DISC1: variants seen among roughly 807,000 people sequenced by gnomAD.
DISC1 encodes the protein DISC1 scaffold protein, also known as disrupted in schizophrenia 1 protein.
Under a neutral mutation model 84.5 loss-of-function variants are expected in DISC1, and 57 were observed. The observed-to-expected ratio is 0.67, with a 90% CI of 0.55 to 0.84. The LOEUF is 0.84. DISC1 is among the 40% of genes least tolerant of loss of function. The pLI, the probability that DISC1 is intolerant of heterozygous loss-of-function variation, is 0.00. For synonymous variants in DISC1, 411 were observed against 415.2 expected (o/e 0.99, Z 0.12); for missense variants, 1,000 against 1,057.8 (o/e 0.95, Z 0.76).
intron 8 of DISC1, among the ~76,000 whole-genome samples, chr1:231,801,015 A>G (rs2079192567): frequency 6.6e-6 from 1 of 152,164 alleles, no homozygotes; most frequent in South Asian, 2.1e-4. Context: ...ATCAGCTTCA[A>G]AAGAATCATA....
chr1:231,702,664 A>T, intron 3 of DISC1: 1 of 958,196 alleles, frequency 1.0e-6, no homozygotes, highest in African/African-American at 1.8e-5. Flanking sequence ...CAAAAAAACC[A>T]ATTAAAATGA....
At position 231,981,361 on chromosome 1, in the gene DISC1, A is replaced by G. The variant is rs569768549; in HGVS notation, c.2042+22473A>G. On this transcript the variant is annotated intron_variant, in intron 10 of 12. Coordinates refer to ENST00000439617, the MANE Select transcript of DISC1 (RefSeq NM_018662.3). Reference sequence around the variant, plus strand: ...GTATCATATCAGATTTAATATGTGAATAATGAGGGAAACTGTGACTTTGGA... The same window carrying G: ...GTATCATATCAGATTTAATATGTGAGTAATGAGGGAAACTGTGACTTTGGA... Among the ~76,000 whole-genome samples, 9 of 152,336 alleles carry G rather than the reference A, an allele frequency of 5.9e-5. No individual in the cohort carries two copies. The South Asian group carries it at 1.7e-3, about 28-fold the overall frequency.
chr1:232,018,189 T>C (rs193170515), intron 11 of DISC1, among the ~76,000 whole-genome samples: 2 of 152,358 alleles, frequency 1.3e-5, no homozygotes, highest in Admixed American at 1.3e-4. Context: ...CTCATCACTC[T>C]AGATACAGCC....
chr1:231,983,157 G>T (rs1440561218), intron 10 of DISC1, among the ~76,000 whole-genome samples: 1 of 152,030 alleles, frequency 6.6e-6, no homozygotes, highest in Non-Finnish European at 1.5e-5. Flanking sequence ...CCTGCTGGAA[G>T]TGCCTTCTGG....
chr1:232,037,509 ATCAGGACATTC>A lies in DISC1; in HGVS notation c.*680_*690del, dbSNP rs1296972121. 3 of 152,256 alleles carry A rather than the reference ATCAGGACATTC, an allele frequency of 2.0e-5. No individual in the cohort carries two copies. Among genetic ancestry groups the A allele is most frequent in the Non-Finnish European group, 4.4e-5 (3 of 68,050 alleles). 9.4% of individuals were successfully genotyped at this position (152,256 alleles called of 1,614,324 possible). A position where few individuals can be genotyped will look rare whatever the true frequency, so the allele number is the denominator to read the frequency against. ...AAGGATCCCTGAGAGTCTCTGTTTC[ATCAGGACATTC>A]TGAAATTTACCCACAGTGAGGCTGT... On this transcript the variant is annotated 3_prime_UTR_variant, in exon 13 of 13. Coordinates refer to ENST00000439617, the MANE Select transcript of DISC1 (RefSeq NM_018662.3).
chr1:231,978,812 A>C (rs538291330), intron 10 of DISC1, among the ~76,000 whole-genome samples: 66 of 152,320 alleles, frequency 4.3e-4, no homozygotes, highest in African/African-American at 1.5e-3. Flanking sequence ...ACTCCAAAAA[A>C]GCCCGTGTTT....
chr1:232,003,983 AAAT>A (rs1199701482), intron 10 of DISC1, among the ~76,000 whole-genome samples: 3 of 151,784 alleles, frequency 2.0e-5, no homozygotes, highest in Non-Finnish European at 4.4e-5. Flanking sequence ...AGTGTTTGTT[AAAT>A]TATTTTCCAT....
intron 11 of DISC1, among the ~76,000 whole-genome samples, chr1:232,016,215 T>C (rs1668479871): frequency 6.6e-6 from 1 of 152,214 alleles, no homozygotes; most frequent in African/African-American, 2.4e-5. Context: ...AGTTCAAATT[T>C]GTTTTACTAT....
chr1:231,643,366 T>G (rs2059885607), intron 1 of DISC1, among the ~76,000 whole-genome samples: 2 of 151,982 alleles, frequency 1.3e-5, no homozygotes, highest in Non-Finnish European at 2.9e-5. Flanking sequence ...AAAAATAAAA[T>G]AAAATAAATG....
intron 6 of DISC1, chr1:231,774,705 G>A (rs1164629735): frequency 6.6e-6 from 3 of 455,812 alleles, no homozygotes; most frequent in African/African-American, 4.0e-5. Context: ...TCAATATTTG[G>A]GCTTTCCATT....
At chr1:231,664,240 G>T (rs1209099094) in intron 1 of DISC1, among the ~76,000 whole-genome samples, 2 of 152,062 alleles carry the variant, frequency 1.3e-5, no homozygotes, top group Non-Finnish European at 2.9e-5. Flanking sequence ...AGATCTCCCT[G>T]ACTCCACTGC....
rs112489367 is a variant in DISC1, at chr1:231,683,486, C to T, written c.68-10340C>T. Among the ~76,000 whole-genome samples, 219 of 145,532 alleles carry T rather than the reference C, an allele frequency of 1.5e-3. 1 individual carries two copies. Among genetic ancestry groups the T allele is most frequent in the African/African-American group, 4.9e-3 (190 of 39,020 alleles). ...TGTTGCCCAGGCTGGAGTGCAATGG[C>T]GTGACTGTGGCTCACTGCCGCCTTG... On this transcript the variant is annotated intron_variant, in intron 1 of 12. Coordinates refer to ENST00000439617, the MANE Select transcript of DISC1 (RefSeq NM_018662.3).
At chr1:231,693,293 T>C (rs11583715) in intron 1 of DISC1, among the ~76,000 whole-genome samples, 42,627 of 152,178 alleles carry the variant, frequency 0.28, 6,198 homozygotes, top group Admixed American at 0.32. Context: ...TGGCCATACA[T>C]TGCGGCACAG....
At chr1:231,775,328 G>T (rs942841650) in intron 6 of DISC1, among the ~76,000 whole-genome samples, 5 of 152,304 alleles carry the variant, frequency 3.3e-5, no homozygotes, top group Admixed American at 6.5e-5. Context: ...GGAGACTTAC[G>T]TGCTTACATG....
At position 232,031,870 on chromosome 1, in the gene DISC1, C is replaced by T. The variant is rs569010793; in HGVS notation, c.2426-4822C>T. ...CCTCATGGCTTTTCCATGAGGATCTCCAGTACCAAATTCTCCAGCACTATG... is the reference window on the plus strand; with the variant it reads ...CCTCATGGCTTTTCCATGAGGATCTTCAGTACCAAATTCTCCAGCACTATG... On this transcript the variant is annotated intron_variant, in intron 12 of 12. Coordinates refer to ENST00000439617, the MANE Select transcript of DISC1 (RefSeq NM_018662.3). The surrounding 1 kb of genome is among the most constrained non-coding windows in gnomAD (Gnocchi z 4.6). Among the ~76,000 whole-genome samples, 30 of 152,208 alleles carry T rather than the reference C, an allele frequency of 2.0e-4. No individual in the cohort carries two copies. The South Asian group carries it at 6.2e-3, about 32-fold the overall frequency.
chr1:231,752,525 C>T (rs1322177607), intron 4 of DISC1, among the ~76,000 whole-genome samples: 2 of 152,216 alleles, frequency 1.3e-5, no homozygotes, highest in African/African-American at 2.4e-5. Flanking sequence ...CATCTTCCAC[C>T]AGGCCCTGCC....
chr1:231,923,942 T>C (rs2090174128), intron 9 of DISC1, among the ~76,000 whole-genome samples: 1 of 152,204 alleles, frequency 6.6e-6, no homozygotes, highest in Non-Finnish European at 1.5e-5. Flanking sequence ...GGCTATGTGC[T>C]CGGTTTCTGA....
intron 9 of DISC1, among the ~76,000 whole-genome samples, chr1:231,949,402 G>T (rs1426101893): frequency 1.3e-5 from 2 of 152,190 alleles, no homozygotes; most frequent in African/African-American, 4.8e-5. Context: ...GTTTTGAGGT[G>T]GGAGTAAGGC....
chr1:231,628,202 G>A (rs1039227862), intron 1 of DISC1, among the ~76,000 whole-genome samples: 2 of 152,200 alleles, frequency 1.3e-5, no homozygotes, highest in Non-Finnish European at 2.9e-5. Context: ...AGTCCTCTGA[G>A]GTTCAGTTCT....
Sources: allele counts gnomAD v4.1 joint callset (sites outside exome capture counted in the v4.1 genomes callset), GRCh38; gene constraint gnomAD v4.1.1; non-coding constraint Gnocchi (gnomAD v3.1); transcripts MANE v1.5; gene names NCBI Gene and HGNC (gene_info 2026-07-23, HGNC 2026-07-21).